The following CCNY variants were observed in gnomAD, a reference collection of about 807,000 sequenced individuals.
The protein encoded by CCNY is cyclin Y, also known as cyclin-Y.
A neutral mutation model predicts 42.8 loss-of-function variants in CCNY; 19 were observed. The ratio of observed to expected loss-of-function variants is 0.44; its 90% CI spans 0.31 to 0.65. CCNY has a LOEUF of 0.65. Among genes scored for constraint, CCNY ranks in the 30% least tolerant of loss-of-function variants. The probability of loss-of-function intolerance (pLI) is 0.07; values close to 1 mark genes in which losing one functional copy is unlikely to be tolerated. For synonymous variants in CCNY, 165 were observed against 162.7 expected (o/e 1.01, Z -0.11); for missense variants, 370 against 437.3 (o/e 0.85, Z 1.37).
intron 1 of CCNY, among the ~76,000 whole-genome samples, chr10:35,348,720 TC>T (rs1247283998): frequency 6.6e-6 from 1 of 152,136 alleles, no homozygotes; most frequent in Non-Finnish European, 1.5e-5. Flanking sequence ...GTGCTTTTAT[TC>T]TTAGCGATGT....
At chr10:35,388,635 T>G (rs1564392607) in intron 1 of CCNY, among the ~76,000 whole-genome samples, 1 of 152,230 alleles carries the variant, frequency 6.6e-6, no homozygotes, top group Admixed American at 6.5e-5. Context: ...TATAAATAAT[T>G]GCATTTTCCA....
chr10:35,347,323 C>A (rs1476529134), intron 1 of CCNY: 2 of 323,856 alleles, frequency 6.2e-6, no homozygotes, highest in Non-Finnish European at 8.9e-6. Context: ...CAACTACAAT[C>A]ACATCCGTGC....
intron 1 of CCNY, among the ~76,000 whole-genome samples, chr10:35,450,336 C>T (rs967227596): frequency 1.3e-5 from 2 of 151,970 alleles, no homozygotes; most frequent in Non-Finnish European, 2.9e-5. Context: ...ATTAAAACAC[C>T]AGGCCTTGCA....
chr10:35,408,258 G>A (rs573108700), intron 1 of CCNY, among the ~76,000 whole-genome samples: 324 of 152,328 alleles, frequency 2.1e-3, no homozygotes, highest in Middle Eastern at 3.4e-3. Context: ...CTGGTCTCCC[G>A]AAGGAGTCCC....
At chr10:35,419,066 GC>G (rs1175012337) in intron 1 of CCNY, among the ~76,000 whole-genome samples, 2 of 152,150 alleles carry the variant, frequency 1.3e-5, no homozygotes, top group African/African-American at 4.8e-5. Context: ...TGATCAACCC[GC>G]CTCCCAAAGT....
intron 9 of CCNY, among the ~76,000 whole-genome samples, chr10:35,568,551 C>T (rs1312536077): frequency 6.6e-6 from 1 of 152,232 alleles, no homozygotes; most frequent in Non-Finnish European, 1.5e-5. Context: ...TGACTTAAGT[C>T]CTCCATCCTT....
intron 1 of CCNY, among the ~76,000 whole-genome samples, chr10:35,365,356 C>A (rs758490491): frequency 3.9e-5 from 6 of 152,184 alleles, no homozygotes; most frequent in Non-Finnish European, 8.8e-5. Flanking sequence ...GCTGTTTTTA[C>A]TGCAGTATTA....
chr10:35,461,985 T>C (rs1163076136), intron 1 of CCNY, among the ~76,000 whole-genome samples: 2 of 152,166 alleles, frequency 1.3e-5, no homozygotes, highest in Admixed American at 6.5e-5. Context: ...AATATAGTTA[T>C]ATTCCAGGCT....
At position 35,479,669 on chromosome 10, in the gene CCNY, TAGTG is replaced by T. The variant is rs1439773496; in HGVS notation, c.155-3734_155-3731del. On this transcript the variant is annotated intron_variant, in intron 1 of 9. Coordinates refer to ENST00000374704, the MANE Select transcript of CCNY (RefSeq NM_145012.6). Reference sequence around the variant, plus strand: ...ATATACCTAATGCTAGATGACGAGTTAGTGGGTGCAGCACACCAGCATGGCACAT... The same window carrying T: ...ATATACCTAATGCTAGATGACGAGTTGGTGCAGCACACCAGCATGGCACAT... 9.4e-5 allele frequency among the ~76,000 whole-genome samples: 14 copies of T among 149,258 alleles called. No individual in the cohort carries two copies. The South Asian group carries it at 1.1e-3, about 12-fold the overall frequency.
intron 1 of CCNY, among the ~76,000 whole-genome samples, chr10:35,362,245 G>T (rs1474232518): frequency 1.3e-5 from 2 of 152,194 alleles, no homozygotes; most frequent in African/African-American, 4.8e-5. Flanking sequence ...ATGTTGTACA[G>T]AAGTAGGTGC....
chr10:35,407,945 A>C (rs1589099686), intron 1 of CCNY, among the ~76,000 whole-genome samples: 1 of 152,308 alleles, frequency 6.6e-6, no homozygotes, highest in East Asian at 1.9e-4. Flanking sequence ...TTAAACACCA[A>C]GGGAAGTCTG....
intron 1 of CCNY, among the ~76,000 whole-genome samples, chr10:35,468,587 T>C (rs1348341049): frequency 1.3e-5 from 2 of 152,148 alleles, no homozygotes; most frequent in Non-Finnish European, 2.9e-5. Context: ...TTTTTGAGGG[T>C]CTGATCTTGA....
chr10:35,462,345 G>A (rs1211530471), intron 1 of CCNY, among the ~76,000 whole-genome samples: 1 of 152,086 alleles, frequency 6.6e-6, no homozygotes, highest in Non-Finnish European at 1.5e-5. Flanking sequence ...TAGTGTATCC[G>A]CTCCCTTTCT....
At position 35,530,287 on chromosome 10, in the gene CCNY, G is replaced by C. The variant is rs1433181245; in HGVS notation, c.579+44G>C. 7.4e-6 allele frequency: 12 copies of C among 1,612,136 alleles called. No homozygotes were observed. Among genetic ancestry groups the C allele is most frequent in the Non-Finnish European group, 9.3e-6 (11 of 1,179,394 alleles). ...GCCACACCCATCCCCAGCCGAGGTGGTCCAGGGCCCGTTCCTGTTACTCAG... is the reference window on the plus strand; with the variant it reads ...GCCACACCCATCCCCAGCCGAGGTGCTCCAGGGCCCGTTCCTGTTACTCAG... On this transcript the variant is annotated intron_variant, in intron 7 of 9. Transcript: ENST00000374704. This position sits in a 1 kb window ranked among gnomAD's most constrained non-coding sequence, Gnocchi z 4.3.
At chr10:35,257,226 C>T (rs59238913) in intron 3 of CCNY, among the ~76,000 whole-genome samples, 6 of 91,532 alleles carry the variant, frequency 6.6e-5, no homozygotes, top group East Asian at 6.9e-4. Flanking sequence ...CTCCCTCCCT[C>T]CCTCCCTTCC....
rs1231596141 is a variant in CCNY, at chr10:35,551,086, A to G, written c.580-1933A>G. Among the ~76,000 whole-genome samples, 4 of 152,214 alleles carry G rather than the reference A, an allele frequency of 2.6e-5. No individual in the cohort carries two copies. The East Asian group carries it at 7.7e-4, about 29-fold the overall frequency. On this transcript the variant is annotated intron_variant, in intron 7 of 9. Transcript: ENST00000374704. ...CCTGTCCCAGAGAACACACCTACCT[A>G]GCTGTGCAAGCCGGGAGCTGGGGGT...
At chr10:35,522,826 A>G (rs758912861) in intron 4 of CCNY, among the ~76,000 whole-genome samples, 1 of 152,196 alleles carries the variant, frequency 6.6e-6, no homozygotes, top group Non-Finnish European at 1.5e-5. Flanking sequence ...TCCTATAACA[A>G]AACTTTCTTG....
At chr10:35,527,437 A>C (rs1840675010) in intron 5 of CCNY, among the ~76,000 whole-genome samples, 2 of 152,232 alleles carry the variant, frequency 1.3e-5, no homozygotes, top group Non-Finnish European at 2.9e-5. Context: ...AGAGCTGATA[A>C]TAATGAGTTG....
At chr10:35,550,962 T>G (rs1232689011) in intron 7 of CCNY, among the ~76,000 whole-genome samples, 2 of 152,128 alleles carry the variant, frequency 1.3e-5, no homozygotes, top group East Asian at 3.9e-4. Context: ...CAGACCTGCA[T>G]GTTCACTACT....
Sources: allele counts gnomAD v4.1 joint callset (sites outside exome capture counted in the v4.1 genomes callset), GRCh38; gene constraint gnomAD v4.1.1; non-coding constraint Gnocchi (gnomAD v3.1); transcripts MANE v1.5; gene names NCBI Gene and HGNC (gene_info 2026-07-23, HGNC 2026-07-21).